The following IQCB1 variants were observed in gnomAD, a reference collection of about 807,000 sequenced individuals.
The protein encoded by IQCB1 is IQ calmodulin-binding motif-containing protein 1.
Under a neutral mutation model 84.4 loss-of-function variants are expected in IQCB1, and 56 were observed. The ratio of observed to expected loss-of-function variants is 0.66; its 90% CI spans 0.54 to 0.83. The LOEUF (loss-of-function observed/expected upper bound fraction) is 0.83. IQCB1 is among the 40% of genes least tolerant of loss of function. The pLI is 0.00. For synonymous variants in IQCB1, 210 were observed against 234.8 expected, an observed-to-expected ratio of 0.89 and a Z score of 0.96; for missense variants, 629 against 682.1, an observed-to-expected ratio of 0.92 and a Z score of 0.87.
At chr3:121,824,599 T>C (rs1950395824) in intron 5 of IQCB1, among the ~76,000 whole-genome samples, 1 of 149,390 alleles carries the variant, frequency 6.7e-6, no homozygotes, top group Non-Finnish European at 1.5e-5. Flanking sequence ...GTGACCTGAG[T>C]CCATGAGTAA....
At chr3:121,783,385 C>T (rs1948583484) in intron 12 of IQCB1, among the ~76,000 whole-genome samples, 1 of 152,056 alleles carries the variant, frequency 6.6e-6, no homozygotes, top group African/African-American at 2.4e-5. Flanking sequence ...TTCTACTCCC[C>T]ATCCATCCTA....
intron 5 of IQCB1, among the ~76,000 whole-genome samples, chr3:121,814,024 TA>T (rs979277347): frequency 6.6e-6 from 1 of 152,108 alleles, no homozygotes; most frequent in African/African-American, 2.4e-5. Flanking sequence ...TAATTGGAAG[TA>T]AAACACTCCT....
intron 5 of IQCB1, among the ~76,000 whole-genome samples, chr3:121,824,764 G>A (rs1258822302): frequency 3.9e-5 from 6 of 151,934 alleles, no homozygotes; most frequent in African/African-American, 7.3e-5. Flanking sequence ...AGACAAATCC[G>A]CAACCATAGT....
At chr3:121,771,981 C>T (rs1948011295) in intron 14 of IQCB1, among the ~76,000 whole-genome samples, 1 of 152,054 alleles carries the variant, frequency 6.6e-6, no homozygotes, top group Non-Finnish European at 1.5e-5. Context: ...CGAGACCATC[C>T]TGGCCAACAT....
intron 5 of IQCB1, 127 bp from the exon 6 acceptor site, chr3:121,809,136 G>C (rs1416091186): frequency 1.6e-6 from 1 of 630,638 alleles, no homozygotes; most frequent in Non-Finnish European, 2.8e-6. Context: ...ATTTATGAGG[G>C]ACATGATTTT....
Position 121,826,133 on chromosome 3 carries a change from T to C in IQCB1, c.311A>G (p.Tyr104Cys), listed in dbSNP as rs758032150. 1.2e-6 allele frequency: 2 copies of C among 1,613,258 alleles called. No individual in the cohort carries two copies. The highest frequency in any genetic ancestry group is 2.2e-5 in the East Asian group (1 of 44,864). The change falls in exon 5 of 15, where the codon TAC (tyrosine) becomes TGC (cysteine). Residue 104 changes from tyrosine to cysteine, a missense_variant. Physicochemically the swap from Tyr to Cys is radical, Grantham distance 194. Transcript: ENST00000310864. ...TGCAGCTGATGGAAGTAATTCATTG[T>C]AAAATTCCTCTGCATCTTCTCCTGG... is the stretch of plus-strand genomic sequence containing the variant. The part of the protein sequence containing the change: ...LEPGEDAEEF[Y>C]NELLPSAAEN...
intron 5 of IQCB1, among the ~76,000 whole-genome samples, chr3:121,815,180 G>C (rs571495911): frequency 6.6e-5 from 10 of 152,292 alleles, no homozygotes; most frequent in Admixed American, 2.0e-4. Flanking sequence ...TTCAATAGAT[G>C]CAGAAAAGGC....
chr3:121,828,502 C>A lies in IQCB1; in HGVS notation c.231G>T (p.Trp77Cys), dbSNP rs1294766954. The A allele has an allele frequency of 1.1e-5, 18 of 1,613,060 alleles. No homozygotes were observed. Among genetic ancestry groups the A allele is most frequent in the Admixed American group, 1.7e-5 (1 of 59,976 alleles). Residue 77 changes from tryptophan (W) to cysteine (C), a missense_variant, in exon 4 of 15, where the codon TGG becomes TGT. Physicochemically the swap from Trp to Cys is radical, Grantham distance 215. Transcript: ENST00000310864. ...SQDYSRIQGG[W>C]TTISQLTQIL... ...TCTGTGTAAGCTGGGAAATTGTAGT[C>A]CAACCACCCTGGATTCGAGAATAAT...
chr3:121,783,761 C>A (rs931590495), intron 12 of IQCB1, among the ~76,000 whole-genome samples: 10 of 152,130 alleles, frequency 6.6e-5, no homozygotes, highest in South Asian at 6.2e-4. Context: ...ATCTCGGTGA[C>A]TACTTTTCAT....
intron 5 of IQCB1, among the ~76,000 whole-genome samples, chr3:121,822,017 G>T (rs1950293369): frequency 6.6e-6 from 1 of 152,190 alleles, no homozygotes; most frequent in Admixed American, 6.5e-5. Flanking sequence ...AATTCCTCTT[G>T]CCTGACTGCC....
chr3:121,772,707 G>A lies in IQCB1; in HGVS notation c.1417C>T (p.Pro473Ser), dbSNP rs1948052485. 1 of 1,613,958 alleles carries A rather than the reference G, an allele frequency of 6.2e-7. No individual in the cohort carries two copies. The highest frequency in any genetic ancestry group is 1.3e-5 in the African/African-American group (1 of 74,924). ...DDYVRRHLGSPMSDVVSRELH... is the reference protein window; with the variant it reads ...DDYVRRHLGSSMSDVVSRELH... Reference sequence around the variant, plus strand: ...TCCCTACTGACCACATCTGACATTGGAGAGCCCTGGAAACACAGGACAGAA... The same window carrying A: ...TCCCTACTGACCACATCTGACATTGAAGAGCCCTGGAAACACAGGACAGAA... Residue 473 changes from proline to serine, a missense_variant, in exon 14 of 15, where the codon CCA becomes TCA. Pro to Ser is a moderately conservative substitution (Grantham distance 74, BLOSUM62 -1). Transcript: ENST00000310864.
chr3:121,793,055 T>C (rs754412489), intron 10 of IQCB1, among the ~76,000 whole-genome samples: 6 of 152,218 alleles, frequency 3.9e-5, no homozygotes, highest in Non-Finnish European at 8.8e-5. Flanking sequence ...CCAAATTTTC[T>C]GCTGCCAAGA....
At chr3:121,791,723 A>C (rs956275108) in intron 10 of IQCB1, among the ~76,000 whole-genome samples, 1 of 152,208 alleles carries the variant, frequency 6.6e-6, no homozygotes, top group Non-Finnish European at 1.5e-5. Context: ...ATAATGTTTT[A>C]TCTCTTACCC....
chr3:121,801,407 T>C (rs12491109), intron 7 of IQCB1, among the ~76,000 whole-genome samples: 15,738 of 152,038 alleles, frequency 0.1, 862 homozygotes, highest in South Asian at 0.15. Context: ...ATAACCAACA[T>C]TGAATTAATC....
At chr3:121,796,749 T>C (rs529375618) in intron 9 of IQCB1, among the ~76,000 whole-genome samples, 1 of 152,270 alleles carries the variant, frequency 6.6e-6, no homozygotes, top group East Asian at 1.9e-4. Context: ...TGAGAAATGA[T>C]GAATGAAACT....
intron 7 of IQCB1, among the ~76,000 whole-genome samples, chr3:121,799,674 C>A (rs1175806195): frequency 1.3e-5 from 2 of 151,592 alleles, no homozygotes; most frequent in Non-Finnish European, 3.0e-5. Flanking sequence ...TATAAATGTG[C>A]AAAATACTAA....
chr3:121,793,754 T>C (rs1178109553), intron 10 of IQCB1, among the ~76,000 whole-genome samples: 5 of 152,184 alleles, frequency 3.3e-5, no homozygotes, highest in Admixed American at 3.3e-4. Context: ...TCTGGTTACA[T>C]AAAGAAAGCA....
In IQCB1 at chr3:121,773,592, C is replaced by T. The variant is rs189770485; in HGVS notation, c.1411-879G>A. Among the ~76,000 whole-genome samples, 62 of 152,262 alleles carry T rather than the reference C, an allele frequency of 4.1e-4. 1 individual carries two copies. The highest frequency in any genetic ancestry group is 1.5e-3 in the African/African-American group (62 of 41,560). On this transcript the variant is annotated intron_variant, in intron 13 of 14. Transcript: ENST00000310864. ...GGTGATAAAGAACCTGACACCACAG[C>T]TTTCTCAAATATTCCTGTTCCTATC...
At chr3:121,834,266 T>C (rs1413524057) in intron 2 of IQCB1, 125 bp downstream of exon 2, 1 of 152,222 alleles carries the variant, frequency 6.6e-6, no homozygotes, top group Admixed American at 6.5e-5. Flanking sequence ...AACCACCTGT[T>C]ATGGAAACCA....
Sources: allele counts gnomAD v4.1 joint callset (sites outside exome capture counted in the v4.1 genomes callset), GRCh38; gene constraint gnomAD v4.1.1; transcripts MANE v1.5; gene names NCBI Gene and HGNC (gene_info 2026-07-23, HGNC 2026-07-21).